TRRAP: variants seen among roughly 807,000 people sequenced by gnomAD.
TRRAP encodes the protein transformation/transcription domain-associated protein.
In TRRAP, 41 loss-of-function variants were observed where a neutral mutation model predicts 438.8. The observed-to-expected ratio is 0.09, with a 90% CI of 0.07 to 0.12. The LOEUF (loss-of-function observed/expected upper bound fraction) is 0.12, where lower values mean the gene tolerates loss of function less well. Among genes scored for constraint, TRRAP ranks in the 10% least tolerant of loss-of-function variants. The pLI, the probability that TRRAP is intolerant of heterozygous loss-of-function variation, is 1.00. For synonymous variants in TRRAP, 1,994 were observed against 1,962.9 expected, an observed-to-expected ratio of 1.02 and a Z score of -0.42; for missense variants, 3,122 against 5,055.1, an observed-to-expected ratio of 0.62 and a Z score of 11.60.
At chr7:98,911,873 C>A in intron 17 of TRRAP, 149 bp from the exon 18 acceptor site, 1 of 654,624 alleles carries the variant, frequency 1.5e-6, no homozygotes, top group Non-Finnish European at 2.6e-6. Flanking sequence ...TCAGTAAACC[C>A]GTTTCATTTT....
rs139436921 is a variant in TRRAP, at chr7:99,005,152, T to C, written c.10557T>C (p.Ile3519=). The change falls in exon 69 of 73, where the codon ATT becomes ATC. Residue 3519 remains isoleucine, a synonymous_variant. Coordinates refer to ENST00000456197, the MANE Select transcript of TRRAP (RefSeq NM_001375524.1). This position sits in a 1 kb window ranked among gnomAD's most constrained non-coding sequence, Gnocchi z 5.1. ...KIARFMPRVE[I]VQKHNTAARR... is the part of the protein sequence containing the mutation. ...GCAGGTTCATGCCCCGGGTAGAGAT[T>C]GTGCAGAAGCACAACACCGCAGCCC... 8.7e-6 allele frequency: 14 copies of C among 1,613,666 alleles called. No individual in the cohort carries two copies. The African/African-American group carries it at 1.7e-4, about 20-fold the overall frequency.
At chr7:98,918,143 G>A (rs1554409833) in intron 20 of TRRAP, among the ~76,000 whole-genome samples, 2 of 149,446 alleles carry the variant, frequency 1.3e-5, no homozygotes, top group Non-Finnish European at 3.0e-5. Flanking sequence ...AAGAGGAAAT[G>A]TGTAAAGAAA....
Position 98,931,342 on chromosome 7 carries a change from G to A in TRRAP, c.3592-63G>A, listed in dbSNP as rs190123893. 3.8e-3 allele frequency: 5,980 copies of A among 1,579,364 alleles called. 15 individuals are homozygous for A. The highest frequency in any genetic ancestry group is 4.2e-3 in the Non-Finnish European group (4,910 of 1,166,044). On this transcript the variant is annotated intron_variant, in intron 25 of 72. Transcript: ENST00000456197. ...GTCTTTATGGCAGACAGGTGTGCAGGAGACGGCAGTTGCAGTGGGTGGCAT... is the reference window on the plus strand; with the variant it reads ...GTCTTTATGGCAGACAGGTGTGCAGAAGACGGCAGTTGCAGTGGGTGGCAT...
intron 30 of TRRAP, among the ~76,000 whole-genome samples, chr7:98,941,094 T>G (rs1392088414): frequency 1.3e-5 from 2 of 152,234 alleles, no homozygotes; most frequent in African/African-American, 4.8e-5. Flanking sequence ...ATGGTCCAAC[T>G]TCATTCTTTT....
chr7:98,963,896 C>T (rs1323123807), intron 47 of TRRAP, among the ~76,000 whole-genome samples: 1 of 151,932 alleles, frequency 6.6e-6, no homozygotes. Flanking sequence ...GCCTGGCCAA[C>T]ATGGTGAAAC....
chr7:98,895,592 CTTAT>C (rs1484597631), intron 6 of TRRAP, among the ~76,000 whole-genome samples, 168 bp from the exon 7 acceptor site: 1 of 152,138 alleles, frequency 6.6e-6, no homozygotes, highest in Non-Finnish European at 1.5e-5. Flanking sequence ...TTTATATTTA[CTTAT>C]TTTTTTGTTT....
chr7:98,911,542 G>T (rs1229566337), intron 17 of TRRAP, among the ~76,000 whole-genome samples: 4 of 152,180 alleles, frequency 2.6e-5, no homozygotes, highest in Admixed American at 1.3e-4. Context: ...GGAGGCCGGG[G>T]ATTGCTTGAG....
chr7:98,920,066 G>A (rs11769458), intron 20 of TRRAP, among the ~76,000 whole-genome samples: 1,835 of 152,288 alleles, frequency 0.012, 27 homozygotes, highest in African/African-American at 0.028. Flanking sequence ...CTACGGGAAC[G>A]TAAGAGAAAT....
chr7:98,965,922 T>C (rs1302181722), intron 49 of TRRAP, 27 bp downstream of exon 49: 4 of 1,611,690 alleles, frequency 2.5e-6, no homozygotes, highest in Non-Finnish European at 3.4e-6. Flanking sequence ...TGCCATGTGA[T>C]CTCCCTTTCA....
At chr7:98,998,009 C>T (rs910330933) in intron 67 of TRRAP, among the ~76,000 whole-genome samples, 1 of 152,174 alleles carries the variant, frequency 6.6e-6, no homozygotes, top group Admixed American at 6.5e-5. Flanking sequence ...ACAGACTAAA[C>T]GGCTCCCTCC....
At chr7:98,922,688 C>T (rs554294272) in intron 21 of TRRAP, among the ~76,000 whole-genome samples, 13 of 152,172 alleles carry the variant, frequency 8.5e-5, no homozygotes, top group African/African-American at 2.9e-4. Flanking sequence ...AGGATATTAT[C>T]GTAATGTTTG....
chr7:98,940,107 C>T (rs1562951285), intron 30 of TRRAP, among the ~76,000 whole-genome samples: 1 of 151,926 alleles, frequency 6.6e-6, no homozygotes, highest in Non-Finnish European at 1.5e-5. Context: ...TGGTGTTGAA[C>T]TCCTGACCTC....
At chr7:98,930,578 CA>C (rs201956983) in intron 24 of TRRAP, 54 bp from the exon 25 acceptor site, 13 of 1,597,914 alleles carry the variant, frequency 8.1e-6, no homozygotes, top group Admixed American at 3.4e-5. Flanking sequence ...AACTCTGTCT[CA>C]AAAAAAACAA....
chr7:98,941,725 A>T (rs1480273834), intron 30 of TRRAP, among the ~76,000 whole-genome samples: 1 of 152,110 alleles, frequency 6.6e-6, no homozygotes, highest in Non-Finnish European at 1.5e-5. Context: ...TGCTTTGAAG[A>T]AATGTGTATT....
rs773462684 is a variant in TRRAP, at chr7:98,993,757, C to T, written c.10047+20C>T. On this transcript the variant is annotated intron_variant, in intron 66 of 72. Transcript: ENST00000456197. ...GAAGAGGTATTTGGCTCTGATCTTGCACATGGTGGCTCCTTGTAGAGGGGA... is the reference window on the plus strand; with the variant it reads ...GAAGAGGTATTTGGCTCTGATCTTGTACATGGTGGCTCCTTGTAGAGGGGA... 1.9e-6 allele frequency: 3 copies of T among 1,612,772 alleles called. No homozygotes were observed. Among genetic ancestry groups the T allele is most frequent in the Non-Finnish European group, 2.5e-6 (3 of 1,178,778 alleles).
chr7:98,919,367 G>A (rs1789680980), intron 20 of TRRAP, among the ~76,000 whole-genome samples: 1 of 152,204 alleles, frequency 6.6e-6, no homozygotes, highest in African/African-American at 2.4e-5. Flanking sequence ...TTGGGAGGCC[G>A]AGGCAGGAGC....
chr7:98,959,675 A>G (rs958311467), intron 45 of TRRAP, among the ~76,000 whole-genome samples, 185 bp downstream of exon 45: 1 of 151,986 alleles, frequency 6.6e-6, no homozygotes, highest in Non-Finnish European at 1.5e-5. Context: ...CCAGGGAGAG[A>G]GTTTGACTAA....
At chr7:98,886,906 T>C (rs556286957) in intron 3 of TRRAP, among the ~76,000 whole-genome samples, 9 of 152,300 alleles carry the variant, frequency 5.9e-5, no homozygotes, top group African/African-American at 2.2e-4. Context: ...CTTTTAATTA[T>C]AAAAAATTTT....
At chr7:98,952,024 T>C (rs1414736846) in intron 39 of TRRAP, among the ~76,000 whole-genome samples, 1 of 152,166 alleles carries the variant, frequency 6.6e-6, no homozygotes, top group Non-Finnish European at 1.5e-5. Flanking sequence ...GGTGTGGGCC[T>C]GCCAAGAAGC....
Sources: gnomAD v4.1 joint callset for allele counts (sites outside exome capture counted in the v4.1 genomes callset) on GRCh38, gnomAD v4.1.1 for gene constraint, Gnocchi (gnomAD v3.1) non-coding constraint, MANE v1.5 for transcripts, NCBI Gene and HGNC (gene_info 2026-07-23, HGNC 2026-07-21) for gene names.